FAF1: variants seen among roughly 807,000 people sequenced by gnomAD.
FAF1 encodes the protein Fas associated factor 1.
FAF1 carries 25 observed loss-of-function variants against 92.5 expected under a neutral mutation model. The ratio of observed to expected loss-of-function variants is 0.27; its 90% CI spans 0.20 to 0.38. FAF1 has a LOEUF of 0.38. FAF1 is among the 10% of genes least tolerant of loss of function. The pLI, the probability that FAF1 is intolerant of heterozygous loss-of-function variation, is 1.00. For synonymous variants in FAF1, 234 were observed against 273.2 expected (o/e 0.86, Z 1.42); for missense variants, 636 against 793.3 (o/e 0.80, Z 2.38).
intron 8 of FAF1, among the ~76,000 whole-genome samples, chr1:50,646,332 A>G (rs1654583218): frequency 6.6e-6 from 1 of 152,216 alleles, no homozygotes; most frequent in Admixed American, 6.5e-5. Context: ...ACTTGCTGCT[A>G]TAAAATGCTT....
chr1:50,476,266 A>G (rs1164637164), intron 17 of FAF1, among the ~76,000 whole-genome samples: 1 of 152,242 alleles, frequency 6.6e-6, no homozygotes, highest in African/African-American at 2.4e-5. Context: ...TACTGTATAT[A>G]TATTTTGCCA....
intron 2 of FAF1, among the ~76,000 whole-genome samples, chr1:50,805,675 A>T (rs929003582): frequency 3.3e-5 from 5 of 152,220 alleles, no homozygotes; most frequent in African/African-American, 1.2e-4. Context: ...TCCTTTCTCT[A>T]ATATACAGAA....
chr1:50,507,105 A>G (rs1647068697), intron 15 of FAF1, among the ~76,000 whole-genome samples: 1 of 152,206 alleles, frequency 6.6e-6, no homozygotes, highest in Non-Finnish European at 1.5e-5. Context: ...ATCTACATGC[A>G]TGACATATTT....
At chr1:50,663,737 A>C (rs1655498615) in intron 7 of FAF1, among the ~76,000 whole-genome samples, 1 of 151,678 alleles carries the variant, frequency 6.6e-6, no homozygotes, top group Admixed American at 6.6e-5. Context: ...AATAATATAT[A>C]GGCTCTTCCA....
chr1:50,853,176 G>T (rs1194899523), intron 2 of FAF1, among the ~76,000 whole-genome samples: 1 of 152,116 alleles, frequency 6.6e-6, no homozygotes, highest in East Asian at 1.9e-4. Flanking sequence ...GCACATTTGA[G>T]GACCTCTACA....
chr1:50,840,329 A>G (rs1164462431), intron 2 of FAF1, among the ~76,000 whole-genome samples: 1 of 151,868 alleles, frequency 6.6e-6, no homozygotes, highest in Non-Finnish European at 1.5e-5. Context: ...GCCACATACC[A>G]AAAATGTGTT....
At chr1:50,789,960 C>A (rs575192553) in intron 3 of FAF1, among the ~76,000 whole-genome samples, 1 of 152,162 alleles carries the variant, frequency 6.6e-6, no homozygotes, top group Non-Finnish European at 1.5e-5. Context: ...CATTACCCAT[C>A]CACTTCTATC....
At chr1:50,756,499 T>C (rs553228701) in intron 4 of FAF1, among the ~76,000 whole-genome samples, 6 of 152,322 alleles carry the variant, frequency 3.9e-5, no homozygotes, top group South Asian at 2.1e-4. Context: ...GTCTTCTTCA[T>C]AGCCCTCCAA....
chr1:50,948,960 A>C (rs539139115), intron 1 of FAF1, among the ~76,000 whole-genome samples: 25 of 152,286 alleles, frequency 1.6e-4, no homozygotes, highest in African/African-American at 6.0e-4. Context: ...CCCACCTCCA[A>C]CTTTGGAGGT....
chr1:50,652,484 G>A (rs1474963667), intron 8 of FAF1, among the ~76,000 whole-genome samples: 1 of 152,082 alleles, frequency 6.6e-6, no homozygotes, highest in African/African-American at 2.4e-5. Flanking sequence ...TTTCTACAAG[G>A]GTGGGGTGCA....
At chr1:50,713,155 CAAAAAAAAA>C (rs371395514) in intron 6 of FAF1, among the ~76,000 whole-genome samples, 4 of 46,532 alleles carry the variant, frequency 8.6e-5, no homozygotes, top group Non-Finnish European at 1.7e-4. Context: ...GCCAGACCCT[CAAAAAAAAA>C]AAAAAAAAAA....
chr1:50,922,474 A>AG (rs1191201947), intron 1 of FAF1, among the ~76,000 whole-genome samples: 25 of 147,294 alleles, frequency 1.7e-4, no homozygotes, highest in Non-Finnish European at 2.7e-4. Flanking sequence ...AAAAAAAAAA[A>AG]AAAAAAAAGA....
intron 6 of FAF1, among the ~76,000 whole-genome samples, chr1:50,731,428 G>C (rs1210763471): frequency 6.8e-6 from 1 of 148,074 alleles, no homozygotes; most frequent in Non-Finnish European, 1.5e-5. Context: ...GGAGTGTAGT[G>C]GTACAGTCTT....
At chr1:50,686,943 C>T (rs1656690458) in intron 7 of FAF1, among the ~76,000 whole-genome samples, 1 of 152,070 alleles carries the variant, frequency 6.6e-6, no homozygotes. Context: ...ATTCTCATGC[C>T]TCAGCTTCCT....
chr1:50,875,312 A>C (rs1196815323), intron 1 of FAF1, among the ~76,000 whole-genome samples: 1 of 152,168 alleles, frequency 6.6e-6, no homozygotes, highest in Non-Finnish European at 1.5e-5. Flanking sequence ...CGTACAATAT[A>C]ATGTTTTGAA....
intron 2 of FAF1, among the ~76,000 whole-genome samples, chr1:50,839,874 C>G (rs904336517): frequency 6.6e-6 from 1 of 152,004 alleles, no homozygotes; most frequent in African/African-American, 2.4e-5. Context: ...TCCAAACATA[C>G]AAAGCCTAGA....
chr1:50,848,470 T>G (rs974112739), intron 2 of FAF1, among the ~76,000 whole-genome samples: 2 of 152,188 alleles, frequency 1.3e-5, no homozygotes, highest in Non-Finnish European at 2.9e-5. Context: ...AATAAAAAAT[T>G]CATTGGCAAA....
chr1:50,533,909 C>G (rs1648321439), intron 15 of FAF1, among the ~76,000 whole-genome samples: 1 of 152,162 alleles, frequency 6.6e-6, no homozygotes, highest in Non-Finnish European at 1.5e-5. Flanking sequence ...ATAGCTCCTA[C>G]CAGCTATATG....
intron 15 of FAF1, among the ~76,000 whole-genome samples, chr1:50,518,127 C>T (rs1382380637): frequency 6.6e-6 from 1 of 152,092 alleles, no homozygotes; most frequent in Non-Finnish European, 1.5e-5. Flanking sequence ...TCCACGCTTT[C>T]CTGAATACTC....
Sources: allele counts gnomAD v4.1 joint callset (sites outside exome capture counted in the v4.1 genomes callset), GRCh38; gene constraint gnomAD v4.1.1; transcripts MANE v1.5; gene names NCBI Gene and HGNC (gene_info 2026-07-23, HGNC 2026-07-21).